The following SPAG16 variants were observed in gnomAD, a reference collection of about 807,000 sequenced individuals.
SPAG16 encodes sperm-associated antigen 16 protein.
In SPAG16, 86 loss-of-function variants were observed where a neutral mutation model predicts 80.4. The ratio of observed to expected loss-of-function variants is 1.07; its 90% CI spans 0.90 to 1.28. The LOEUF (loss-of-function observed/expected upper bound fraction) is 1.28, where lower values mean the gene tolerates loss of function less well. Ranked by LOEUF, SPAG16 falls within the 50% of genes most tolerant of loss-of-function variation. The probability of loss-of-function intolerance (pLI) is 0.00; values close to 1 mark genes in which losing one functional copy is unlikely to be tolerated. For synonymous variants in SPAG16, 294 were observed against 265.9 expected (o/e 1.11, Z -1.03); for missense variants, 870 against 765.3 (o/e 1.14, Z -1.61).
chr2:213,729,516 A>C (rs2066932810), intron 10 of SPAG16, among the ~76,000 whole-genome samples: 1 of 152,196 alleles, frequency 6.6e-6, no homozygotes. Context: ...GAGGAGCCTG[A>C]ATGTCAGCCA....
intron 6 of SPAG16, among the ~76,000 whole-genome samples, chr2:213,340,575 G>T (rs1206745260): frequency 6.6e-6 from 1 of 152,136 alleles, no homozygotes; most frequent in African/African-American, 2.4e-5. Flanking sequence ...AAATTCTCAA[G>T]TATGAGTAAG....
rs180817351 is a variant in SPAG16, at chr2:213,887,206, T to G, written c.1214+24578T>G. ...TCATACTTTTAACTAAACTATAGAC[T>G]TCAATCAGAGTTCTCCAGTTTTTCC... is the stretch of plus-strand genomic sequence containing the variant. On this transcript the variant is annotated intron_variant, in intron 11 of 15. Coordinates refer to ENST00000331683, the MANE Select transcript of SPAG16 (RefSeq NM_024532.5). Among the ~76,000 whole-genome samples, 16 of 152,216 alleles carry G rather than the reference T, an allele frequency of 1.1e-4. No individual in the cohort carries two copies. The East Asian group carries it at 2.5e-3, about 24-fold the overall frequency.
chr2:213,328,667 T>C (rs1180011916), intron 5 of SPAG16, among the ~76,000 whole-genome samples: 1 of 152,216 alleles, frequency 6.6e-6, no homozygotes, highest in East Asian at 1.9e-4. Flanking sequence ...GGACTTTTCC[T>C]GTCTCTTTGT....
At chr2:213,881,444 T>C (rs373952453) in intron 11 of SPAG16, among the ~76,000 whole-genome samples, 2 of 152,228 alleles carry the variant, frequency 1.3e-5, no homozygotes, top group East Asian at 1.9e-4. Context: ...TTTTTCTCTT[T>C]GGATGCTATA....
intron 8 of SPAG16, among the ~76,000 whole-genome samples, chr2:213,369,771 A>T (rs909226514): frequency 6.6e-6 from 1 of 152,112 alleles, no homozygotes; most frequent in Non-Finnish European, 1.5e-5. Flanking sequence ...ATTGAGTGGA[A>T]GGTACAGTGA....
chr2:214,174,820 C>T (rs1029537912), intron 15 of SPAG16, among the ~76,000 whole-genome samples: 3 of 151,674 alleles, frequency 2.0e-5, no homozygotes, highest in African/African-American at 7.3e-5. Context: ...TTCTTCATCA[C>T]TTTTGCACGA....
At chr2:214,115,836 C>T (rs1576256384) in intron 14 of SPAG16, among the ~76,000 whole-genome samples, 1 of 132,480 alleles carries the variant, frequency 7.5e-6, no homozygotes, top group Non-Finnish European at 1.5e-5. Context: ...TGAGATTGCA[C>T]AACTGCACTC....
intron 10 of SPAG16, among the ~76,000 whole-genome samples, chr2:213,639,520 A>G (rs2062505519): frequency 6.6e-6 from 1 of 152,204 alleles, no homozygotes; most frequent in Non-Finnish European, 1.5e-5. Flanking sequence ...TTTGCTGGCA[A>G]AAAAATCTTA....
At chr2:214,060,518 T>C (rs1327695843) in intron 13 of SPAG16, among the ~76,000 whole-genome samples, 1 of 152,092 alleles carries the variant, frequency 6.6e-6, no homozygotes, top group Non-Finnish European at 1.5e-5. Flanking sequence ...TAATGTATAA[T>C]AACAATACAA....
At chr2:213,678,358 A>T (rs983823109) in intron 10 of SPAG16, among the ~76,000 whole-genome samples, 5 of 151,464 alleles carry the variant, frequency 3.3e-5, no homozygotes, top group African/African-American at 7.3e-5. Context: ...TCAACAAAAT[A>T]GATAGACCAC....
At chr2:213,816,077 C>T (rs76205820) in intron 10 of SPAG16, among the ~76,000 whole-genome samples, 1 of 152,144 alleles carries the variant, frequency 6.6e-6, no homozygotes, top group South Asian at 2.1e-4. Context: ...ATTGTCATCT[C>T]CTGGAATCCT....
chr2:213,761,593 G>A (rs1559446844), intron 10 of SPAG16, among the ~76,000 whole-genome samples: 1 of 152,168 alleles, frequency 6.6e-6, no homozygotes. Flanking sequence ...TGGGCACGGT[G>A]GCTCACGCCT....
At chr2:213,392,952 A>G (rs775897576) in intron 9 of SPAG16, among the ~76,000 whole-genome samples, 3 of 152,186 alleles carry the variant, frequency 2.0e-5, no homozygotes, top group Non-Finnish European at 2.9e-5. Context: ...ATATCATGCC[A>G]TGTTAAATAG....
intron 10 of SPAG16, among the ~76,000 whole-genome samples, chr2:213,807,255 C>T (rs1692431555): frequency 6.6e-6 from 1 of 152,052 alleles, no homozygotes; most frequent in South Asian, 2.1e-4. Context: ...CTTTGCACTG[C>T]TTTTTAGTCT....
chr2:214,045,341 C>T (rs1039454372), intron 13 of SPAG16, among the ~76,000 whole-genome samples: 2 of 152,142 alleles, frequency 1.3e-5, no homozygotes. Flanking sequence ...TGGCAGGATC[C>T]ATCACCTGTT....
At chr2:213,699,486 A>G (rs1157987642) in intron 10 of SPAG16, among the ~76,000 whole-genome samples, 5 of 152,146 alleles carry the variant, frequency 3.3e-5, no homozygotes, top group Admixed American at 2.6e-4. Context: ...ATTTCTCAAA[A>G]CATGTTAGTG....
chr2:214,190,270 T>C (rs144586375), intron 15 of SPAG16, among the ~76,000 whole-genome samples: 14 of 152,240 alleles, frequency 9.2e-5, no homozygotes, highest in African/African-American at 3.4e-4. Context: ...GGAATATGAG[T>C]GGGACCTTTA....
intron 15 of SPAG16, among the ~76,000 whole-genome samples, chr2:214,288,894 G>A (rs1449464541): frequency 1.3e-5 from 2 of 151,896 alleles, no homozygotes; most frequent in South Asian, 2.1e-4. Context: ...TCAGCCTCTC[G>A]AGCAGCTGGG....
At position 213,621,461 on chromosome 2, in the gene SPAG16, C is replaced by T. The variant is rs1010860118; in HGVS notation, c.1070+131371C>T. 5.3e-5 allele frequency among the ~76,000 whole-genome samples: 8 copies of T among 152,186 alleles called. No homozygotes were observed. In the East Asian group the frequency reaches 9.7e-4, roughly 18 times the overall value. ...TTGGTTTGATTAGTGTGACAAACTT[C>T]ATGATGGAGTGGGAATTTTTAATGG... On this transcript the variant is annotated intron_variant, in intron 10 of 15. Coordinates refer to ENST00000331683, the MANE Select transcript of SPAG16 (RefSeq NM_024532.5).
Sources: allele counts gnomAD v4.1 joint callset (sites outside exome capture counted in the v4.1 genomes callset), GRCh38; gene constraint gnomAD v4.1.1; transcripts MANE v1.5; gene names NCBI Gene and HGNC (gene_info 2026-07-23, HGNC 2026-07-21).